The following FGD6 variants were observed in gnomAD, a reference collection of about 807,000 sequenced individuals.
The protein encoded by FGD6 is FYVE, RhoGEF and PH domain containing 6.
FGD6 carries 90 observed loss-of-function variants against 149.4 expected under a neutral mutation model. The observed-to-expected ratio is 0.60, with a 90% confidence interval of 0.51 to 0.72. The LOEUF is 0.72. FGD6 is among the 30% of genes least tolerant of loss of function. FGD6 has a pLI of 0.00. For missense variants in FGD6, 1,437 were observed against 1,684.8 expected, an observed-to-expected ratio of 0.85 and a Z score of 2.57; for synonymous variants, 527 against 584.0, an observed-to-expected ratio of 0.90 and a Z score of 1.41.
intron 8 of FGD6, among the ~76,000 whole-genome samples, chr12:95,122,501 C>A (rs1592841521): frequency 6.6e-6 from 1 of 151,416 alleles, no homozygotes; most frequent in East Asian, 1.9e-4. Flanking sequence ...CAAAAATTAG[C>A]CGGGCGTGGT....
At chr12:95,153,784 C>T (rs1256238110) in intron 3 of FGD6, among the ~76,000 whole-genome samples, 1 of 152,148 alleles carries the variant, frequency 6.6e-6, no homozygotes, top group Non-Finnish European at 1.5e-5. Context: ...GAACAGGGCT[C>T]TTCTTCAATC....
chr12:95,138,140 G>A (rs1356405466), intron 6 of FGD6, among the ~76,000 whole-genome samples: 1 of 151,834 alleles, frequency 6.6e-6, no homozygotes, highest in Non-Finnish European at 1.5e-5. Flanking sequence ...GGAGGGGGAG[G>A]TTGCAGTGAG....
At chr12:95,216,559 T>A (rs888771359) in intron 1 of FGD6, among the ~76,000 whole-genome samples, 3 of 151,728 alleles carry the variant, frequency 2.0e-5, no homozygotes, top group African/African-American at 4.8e-5. Context: ...ATAGAGGCTT[T>A]GTCATTTGGA....
intron 3 of FGD6, among the ~76,000 whole-genome samples, chr12:95,160,991 C>G (rs1232328660): frequency 1.3e-5 from 2 of 151,934 alleles, no homozygotes; most frequent in Non-Finnish European, 2.9e-5. Context: ...ACCAGGCTGG[C>G]CAACATGGTG....
At chr12:95,135,820 C>T (rs1215068755) in intron 7 of FGD6, among the ~76,000 whole-genome samples, 1 of 152,104 alleles carries the variant, frequency 6.6e-6, no homozygotes, top group African/African-American at 2.4e-5. Context: ...ATCATTAACC[C>T]AGATTACTAA....
intron 3 of FGD6, among the ~76,000 whole-genome samples, chr12:95,159,589 A>T (rs1376610080): frequency 2.0e-5 from 3 of 152,350 alleles, no homozygotes; most frequent in African/African-American, 4.8e-5. Flanking sequence ...CTGCAATCTC[A>T]TATTTTGGGA....
rs1326179742 is a variant in FGD6 at position 95,140,138 on chromosome 12, T to TTCA, written c.2837+1249_2837+1250insTGA. Among the ~76,000 whole-genome samples, 3 of 152,306 alleles carry TTCA rather than the reference T, an allele frequency of 2.0e-5. No individual in the cohort carries two copies. The East Asian group carries it at 5.8e-4, about 29-fold the overall frequency. On this transcript the variant is annotated intron_variant, in intron 6 of 20. Transcript: ENST00000343958. ...CTTAGAGAAATTTTGAACATGAAAG[T>TTCA]AGGTGATACTATTTTCTTATTCTAA...
chr12:95,137,554 G>T lies in FGD6; in HGVS notation c.2962C>A (p.Pro988Thr), dbSNP rs777299226. 3.1e-6 allele frequency: 5 copies of T among 1,599,354 alleles called. No homozygotes were observed. Among genetic ancestry groups the T allele is most frequent in the Non-Finnish European group, 4.3e-6 (5 of 1,173,780 alleles). ...TCTCTAACAACAGCAGCAAAACCTGGATTTTTCTTGCACTGTTCATCCAGC... is the reference window on the plus strand; with the variant it reads ...TCTCTAACAACAGCAGCAAAACCTGTATTTTTCTTGCACTGTTCATCCAGC... ...ALLDEQCKKN[P>T]GFAAVVREFE... The change falls in exon 7 of 21, where the codon CCA becomes ACA. Residue 988 changes from proline (P) to threonine (T), a missense_variant. By Grantham distance (38) the Pro-to-Thr change is conservative. This residue lies in a region of FGD6 where 382 missense variants were observed against 538.7 expected (regional missense o/e 0.71). Coordinates refer to ENST00000343958, the MANE Select transcript of FGD6 (RefSeq NM_018351.4).
chr12:95,108,295 T>C (rs139873678), intron 11 of FGD6, 53 bp downstream of exon 11: 2 of 1,462,954 alleles, frequency 1.4e-6, no homozygotes, highest in African/African-American at 1.4e-5. Flanking sequence ...CAGATACAGA[T>C]GGTACCTAAA....
Position 95,140,145 on chromosome 12 carries a change from T to TC in FGD6, c.2837+1242_2837+1243insG, listed in dbSNP as rs1343414990. On this transcript the variant is annotated intron_variant, in intron 6 of 20. Transcript: ENST00000343958. ...AAATTTTGAACATGAAAGTAGGTGA[T>TC]ACTATTTTCTTATTCTAATCATGTT... 2.0e-5 allele frequency among the ~76,000 whole-genome samples: 3 copies of TC among 152,340 alleles called. No homozygotes were observed. In the East Asian group the frequency reaches 5.8e-4, roughly 29 times the overall value.
intron 3 of FGD6, among the ~76,000 whole-genome samples, chr12:95,155,823 G>A (rs181980277): frequency 2.1e-4 from 32 of 152,224 alleles, no homozygotes; most frequent in Admixed American, 2.0e-3. Flanking sequence ...CCAAATGGAG[G>A]GACTGGCTGA....
intron 18 of FGD6, among the ~76,000 whole-genome samples, chr12:95,087,286 C>G (rs1050611630): frequency 6.6e-6 from 1 of 152,192 alleles, no homozygotes; most frequent in African/African-American, 2.4e-5. Context: ...CACTGCTGTA[C>G]ATTCTCCTCC....
rs763366579 is a variant in FGD6, at chr12:95,210,598, G to T, written c.686C>A (p.Pro229Gln). The T allele has an allele frequency of 1.9e-6, 3 of 1,614,092 alleles. No individual in the cohort carries two copies. Among genetic ancestry groups the T allele is most frequent in the African/African-American group, 2.7e-5 (2 of 74,936 alleles). Residue 229 changes from proline (P) to glutamine (Q), a missense_variant, in exon 2 of 21, where the codon CCA (proline) becomes CAA (glutamine). Pro to Gln is a moderately conservative substitution (Grantham distance 76). This residue lies in a region of FGD6 where 1,055 missense variants were observed against 1,146.0 expected (regional missense o/e 0.92). Transcript: ENST00000343958. Reference protein sequence around the residue: ...RIEFADLSPSPSSFEKVPDHH... With the variant: ...RIEFADLSPSQSSFEKVPDHH... ...ATCAGGAACTTTTTCAAAGCTGGAT[G>T]GGGAAGGTGACAAATCCGCAAATTC... is the stretch of plus-strand genomic sequence containing the variant.
At chr12:95,207,952 C>A in intron 2 of FGD6, among the ~76,000 whole-genome samples, 1 of 152,230 alleles carries the variant, frequency 6.6e-6, no homozygotes, top group Non-Finnish European at 1.5e-5. Context: ...GAAGTGCACA[C>A]ACAAAAGTGA....
At chr12:95,152,899 C>T in intron 4 of FGD6, 27 bp downstream of exon 4, 1 of 1,613,520 alleles carries the variant, frequency 6.2e-7, no homozygotes, top group Non-Finnish European at 8.5e-7. Context: ...GGAAAACAGT[C>T]TTCTGAATTG....
Position 95,094,704 on chromosome 12 carries a change from G to C in FGD6, c.3498-10C>G. The C allele has an allele frequency of 6.3e-7, 1 of 1,595,174 alleles. No individual in the cohort carries two copies. Among genetic ancestry groups the C allele is most frequent in the African/African-American group, 1.3e-5 (1 of 74,418 alleles). On this transcript the variant is annotated splice_polypyrimidine_tract_variant and intron_variant, in intron 14 of 20. Transcript: ENST00000343958. The stretch of plus-strand genomic sequence containing the variant: ...CCTTTCTGTGGCAGAACTGTTGGGG[G>C]CAAAAGGTTTCATCAACCAGATGTC...
intron 8 of FGD6, among the ~76,000 whole-genome samples, chr12:95,123,344 G>A (rs557611786): frequency 6.6e-6 from 1 of 152,022 alleles, no homozygotes; most frequent in East Asian, 1.9e-4. Flanking sequence ...AATTATGTAA[G>A]GAAGCCCTGA....
chr12:95,133,091 G>C (rs1490204494), intron 8 of FGD6, among the ~76,000 whole-genome samples: 1 of 152,216 alleles, frequency 6.6e-6, no homozygotes, highest in Non-Finnish European at 1.5e-5. Context: ...TGTCATTCCA[G>C]ACAGAAACCT....
intron 7 of FGD6, among the ~76,000 whole-genome samples, chr12:95,136,284 GGAGGCA>G (rs1879664484): frequency 6.6e-6 from 1 of 151,306 alleles, no homozygotes; most frequent in Non-Finnish European, 1.5e-5. Flanking sequence ...CGTGAACCTC[GGAGGCA>G]GAGGTTGCAG....
Sources: allele counts gnomAD v4.1 joint callset (sites outside exome capture counted in the v4.1 genomes callset), GRCh38; gene constraint gnomAD v4.1.1; regional missense constraint gnomAD v4.1.1; transcripts MANE v1.5; gene names NCBI Gene and HGNC (gene_info 2026-07-23, HGNC 2026-07-21).